The following TPD52 variants were observed in gnomAD, a reference collection of about 807,000 sequenced individuals.
The protein encoded by TPD52 is tumor protein D52.
In TPD52, 17 loss-of-function variants were observed where a neutral mutation model predicts 31.3. That is an observed-to-expected ratio of 0.54 (90% confidence interval 0.37 to 0.82). The LOEUF (loss-of-function observed/expected upper bound fraction) is 0.82, where lower values mean the gene tolerates loss of function less well. TPD52 is among the 40% of genes least tolerant of loss of function. TPD52 has a pLI of 0.00. For synonymous variants in TPD52, 83 were observed against 89.6 expected (o/e 0.93, Z 0.42); for missense variants, 212 against 240.1 (o/e 0.88, Z 0.77).
At chr8:80,133,041 A>C (rs1359193694) in intron 1 of TPD52, among the ~76,000 whole-genome samples, 1 of 152,156 alleles carries the variant, frequency 6.6e-6, no homozygotes, top group Non-Finnish European at 1.5e-5. Flanking sequence ...CACTGATGAA[A>C]ACTGAGTGTA....
At chr8:80,123,320 T>C (rs1458179989) in intron 1 of TPD52, among the ~76,000 whole-genome samples, 4 of 152,174 alleles carry the variant, frequency 2.6e-5, no homozygotes, top group African/African-American at 9.6e-5. Context: ...AAATAAAATG[T>C]GTAGGTCTTA....
chr8:80,157,474 C>G (rs557366631), intron 1 of TPD52, among the ~76,000 whole-genome samples: 13 of 152,238 alleles, frequency 8.5e-5, no homozygotes, highest in African/African-American at 3.1e-4. Context: ...CGATAGGTTT[C>G]CCCCTCAACA....
At chr8:80,151,460 T>C (rs1405652518) in intron 1 of TPD52, among the ~76,000 whole-genome samples, 1 of 152,228 alleles carries the variant, frequency 6.6e-6, no homozygotes, top group Non-Finnish European at 1.5e-5. Flanking sequence ...CCACTGTTTT[T>C]GGACTAAGCT....
At chr8:80,069,381 G>A (rs1416602253) in intron 1 of TPD52, among the ~76,000 whole-genome samples, 10 of 152,122 alleles carry the variant, frequency 6.6e-5, no homozygotes, top group East Asian at 1.9e-4. Flanking sequence ...CGGGAGGATC[G>A]CTTGGGCCTA....
chr8:80,115,110 C>A (rs945116086), intron 1 of TPD52, among the ~76,000 whole-genome samples: 2 of 152,198 alleles, frequency 1.3e-5, no homozygotes, highest in Non-Finnish European at 2.9e-5. Context: ...ATTTCTGCCA[C>A]ATGCACCTTT....
intron 1 of TPD52, chr8:80,122,917 C>T (rs1300630095): frequency 6.6e-6 from 1 of 152,274 alleles, no homozygotes; most frequent in Non-Finnish European, 1.5e-5. Context: ...TTTGGGAAAC[C>T]TTCACTGCTA....
intron 1 of TPD52, among the ~76,000 whole-genome samples, chr8:80,121,795 G>C (rs1808277243): frequency 6.6e-6 from 1 of 152,034 alleles, no homozygotes; most frequent in Admixed American, 6.6e-5. Context: ...CAGGTAGCCT[G>C]GTTTATAAAC....
At chr8:80,171,263 G>C (rs1341704267) in intron 1 of TPD52, 162 bp downstream of exon 1, 1 of 905,762 alleles carries the variant, frequency 1.1e-6, no homozygotes, top group Non-Finnish European at 1.8e-6. Flanking sequence ...AGGGCCCCAG[G>C]ATGCCAGATC....
At chr8:80,111,588 A>T (rs898341710) in intron 1 of TPD52, among the ~76,000 whole-genome samples, 1 of 152,236 alleles carries the variant, frequency 6.6e-6, no homozygotes, top group African/African-American at 2.4e-5. Context: ...ATTTTTTAAG[A>T]TCTTGATCAT....
At chr8:80,141,132 GAAGGTT>G (rs1436719202) in intron 1 of TPD52, among the ~76,000 whole-genome samples, 2 of 152,124 alleles carry the variant, frequency 1.3e-5, no homozygotes, top group Non-Finnish European at 2.9e-5. Context: ...TAAGCTGTTT[GAAGGTT>G]AATTCCACAT....
chr8:80,139,908 G>C (rs1360328350), intron 1 of TPD52, among the ~76,000 whole-genome samples: 1 of 152,126 alleles, frequency 6.6e-6, no homozygotes, highest in African/African-American at 2.4e-5. Context: ...ACCCCACCCG[G>C]CTCTTCTGAT....
In TPD52 at chr8:80,061,616, C is replaced by T. The variant is rs1381325561; in HGVS notation, c.135+2862G>A. ...AGGAGGATCACTTGAGCTGGGAGGTCAAGGCTGCCCCGAGCCATGATCACA... is the reference window on the plus strand; with the variant it reads ...AGGAGGATCACTTGAGCTGGGAGGTTAAGGCTGCCCCGAGCCATGATCACA... On this transcript the variant is annotated intron_variant, in intron 2 of 7. Coordinates refer to ENST00000518937, the MANE Select transcript of TPD52 (RefSeq NM_001025253.3). Among the ~76,000 whole-genome samples, 6 of 152,006 alleles carry T rather than the reference C, an allele frequency of 3.9e-5. No homozygotes were observed. The East Asian group carries it at 1.2e-3, about 29-fold the overall frequency.
At chr8:80,159,594 G>A (rs1011519721) in intron 1 of TPD52, among the ~76,000 whole-genome samples, 5 of 152,164 alleles carry the variant, frequency 3.3e-5, no homozygotes, top group African/African-American at 1.2e-4. Context: ...TTCATGCCCT[G>A]TTTCATTTGT....
intron 1 of TPD52, among the ~76,000 whole-genome samples, chr8:80,073,134 T>G (rs910505588): frequency 6.6e-5 from 10 of 151,288 alleles, no homozygotes; most frequent in African/African-American, 2.2e-4. Flanking sequence ...AGGAAAGAAA[T>G]AAAGGTATTA....
At chr8:80,116,583 C>A (rs1023424386) in intron 1 of TPD52, among the ~76,000 whole-genome samples, 1 of 152,030 alleles carries the variant, frequency 6.6e-6, no homozygotes, top group African/African-American at 2.4e-5. Context: ...AGAATGAATA[C>A]CAATTATTCA....
At chr8:80,156,057 T>G (rs1037263523) in intron 1 of TPD52, among the ~76,000 whole-genome samples, 1 of 152,152 alleles carries the variant, frequency 6.6e-6, no homozygotes. Context: ...GCATTTATTA[T>G]GGTCACACTA....
At chr8:80,132,206 T>C (rs745307774) in intron 1 of TPD52, among the ~76,000 whole-genome samples, 8 of 152,004 alleles carry the variant, frequency 5.3e-5, no homozygotes, top group Non-Finnish European at 1.2e-4. Context: ...AGTTGTGTTG[T>C]TAAAATTGTG....
chr8:80,080,163 CTG>C, intron 1 of TPD52: 1 of 634,680 alleles, frequency 1.6e-6, no homozygotes, highest in Non-Finnish European at 2.7e-6. Flanking sequence ...CCATCTATCT[CTG>C]TACTTTGAAT....
chr8:80,070,310 T>C (rs1204536238), intron 1 of TPD52, among the ~76,000 whole-genome samples: 1 of 152,138 alleles, frequency 6.6e-6, no homozygotes, highest in Non-Finnish European at 1.5e-5. Context: ...CTAAGATTAT[T>C]GATTAAAAGC....
Sources: gnomAD v4.1 joint callset for allele counts (sites outside exome capture counted in the v4.1 genomes callset) on GRCh38, gnomAD v4.1.1 for gene constraint, MANE v1.5 for transcripts, NCBI Gene and HGNC (gene_info 2026-07-23, HGNC 2026-07-21) for gene names.